The following CIROZ variants were observed in gnomAD, a reference collection of about 807,000 sequenced individuals.
CIROZ encodes ciliated left-right organizer ZP-N domains-containing protein.
At chr1:10,981,871 G>C in the CIROZ span, 1 of 1,024,640 alleles carries the variant, frequency 9.8e-7, no homozygotes, top group African/African-American at 1.6e-5. Context: ...CCATGCATCT[G>C]GGCCCCTCAC....
the CIROZ span, among the ~76,000 whole-genome samples, chr1:10,972,540 GACATTTA>G: frequency 6.6e-6 from 1 of 151,940 alleles, no homozygotes; most frequent in African/African-American, 2.4e-5. Context: ...TCTCAACAGA[GACATTTA>G]AGCCACCAGG....
the CIROZ span, among the ~76,000 whole-genome samples, chr1:10,963,904 C>G: frequency 6.6e-6 from 1 of 152,116 alleles, no homozygotes; most frequent in African/African-American, 2.4e-5. Flanking sequence ...ATCCCCCCTC[C>G]CCTCCCATCT....
chr1:10,961,801 T>A, the CIROZ span, among the ~76,000 whole-genome samples: 1 of 151,600 alleles, frequency 6.6e-6, no homozygotes, highest in African/African-American at 2.4e-5. Context: ...AAAAATATTT[T>A]AAAAATCAAC....
chr1:10,958,665 C>T, the CIROZ span: 26 of 1,607,806 alleles, frequency 1.6e-5, no homozygotes, highest in Non-Finnish European at 2.0e-5. Flanking sequence ...CCAGTCCTAG[C>T]AGAAACTTCC....
the CIROZ span, among the ~76,000 whole-genome samples, chr1:10,977,588 G>A: frequency 6.6e-6 from 1 of 152,308 alleles, no homozygotes; most frequent in East Asian, 1.9e-4. Flanking sequence ...CAAAGGAGAA[G>A]AAAGAACAGA....
the CIROZ span, among the ~76,000 whole-genome samples, chr1:10,972,405 A>G: frequency 7.0e-6 from 1 of 141,894 alleles, no homozygotes; most frequent in Admixed American, 7.4e-5. Flanking sequence ...ACCTAGCAAG[A>G]CCCTGTCTCT....
At chr1:10,948,513 G>T in the CIROZ span, 2 of 1,614,024 alleles carry the variant, frequency 1.2e-6, no homozygotes, top group African/African-American at 2.7e-5. Flanking sequence ...TAGACCTTCA[G>T]TCAGGGTGAC....
At chr1:10,969,848 G>A in the CIROZ span, 1 of 1,378,158 alleles carries the variant, frequency 7.3e-7, no homozygotes, top group South Asian at 1.6e-5. Context: ...GGTGGCCTTT[G>A]AGCAGAGATT....
the CIROZ span, among the ~76,000 whole-genome samples, chr1:10,951,730 T>TAAAAAAAA: frequency 5.2e-3 from 654 of 125,166 alleles, 15 homozygotes; most frequent in African/African-American, 0.021. Flanking sequence ...GTCTCTTATT[T>TAAAAAAAA]AAAAAAAAAA....
chr1:10,957,028 G>T, the CIROZ span: 2 of 1,551,062 alleles, frequency 1.3e-6, no homozygotes, highest in Non-Finnish European at 1.7e-6. Flanking sequence ...CTTACCCGGT[G>T]GGCAAGCAGC....
the CIROZ span, among the ~76,000 whole-genome samples, chr1:10,954,441 G>A: frequency 2.1e-4 from 30 of 145,724 alleles, no homozygotes; most frequent in African/African-American, 6.9e-4. Flanking sequence ...GCAACAGAGC[G>A]AGACTCTGTC....
chr1:10,980,881 G>C, the CIROZ span, among the ~76,000 whole-genome samples: 1 of 152,214 alleles, frequency 6.6e-6, no homozygotes, highest in Admixed American at 6.5e-5. Context: ...AGAAGGCAAT[G>C]GGTCCCCAGG....
the CIROZ span, among the ~76,000 whole-genome samples, chr1:10,960,381 C>T: frequency 1.8e-4 from 28 of 151,882 alleles, no homozygotes; most frequent in Non-Finnish European, 3.7e-4. This position sits in a 1 kb window ranked among gnomAD's most constrained non-coding sequence, Gnocchi z 4.6. Context: ...CCAGCCTGGG[C>T]GACTCTGGCC....
the CIROZ span, among the ~76,000 whole-genome samples, chr1:10,958,049 C>A: frequency 6.6e-6 from 1 of 152,232 alleles, no homozygotes; most frequent in African/African-American, 2.4e-5. Context: ...AACCAGTCGG[C>A]CCCTATGCCG....
chr1:10,952,850 C>T, the CIROZ span, among the ~76,000 whole-genome samples: 2,928 of 152,278 alleles, frequency 0.019, 105 homozygotes, highest in African/African-American at 0.066. Flanking sequence ...CCAGATTGGA[C>T]GCTGCTTGAG....
the CIROZ span, among the ~76,000 whole-genome samples, chr1:10,979,472 G>T: frequency 6.6e-6 from 1 of 152,150 alleles, no homozygotes; most frequent in Non-Finnish European, 1.5e-5. Context: ...AGAATGTGGA[G>T]CATTGAGAAA....
At chr1:10,958,611 G>T in the CIROZ span, 1 of 1,367,104 alleles carries the variant, frequency 7.3e-7, no homozygotes, top group South Asian at 1.2e-5. Context: ...CTCTCCGGAG[G>T]ACAAGCAAAC....
At chr1:10,962,346 C>T in the CIROZ span, among the ~76,000 whole-genome samples, 2 of 151,950 alleles carry the variant, frequency 1.3e-5, no homozygotes, top group Non-Finnish European at 2.9e-5. Flanking sequence ...ACTCGTGAGG[C>T]TGAGGCAGGA....
At chr1:10,959,128 G>A in the CIROZ span, among the ~76,000 whole-genome samples, 27 of 152,108 alleles carry the variant, frequency 1.8e-4, no homozygotes, top group Admixed American at 5.9e-4. The surrounding 1 kb of genome is among the most constrained non-coding windows in gnomAD (Gnocchi z 4.3). Context: ...TTTCTTTCTC[G>A]CCCTTTTTCT....
Sources: gnomAD v4.1 joint callset for allele counts (sites outside exome capture counted in the v4.1 genomes callset) on GRCh38, gnomAD v4.1.1 for gene constraint, Gnocchi (gnomAD v3.1) non-coding constraint, MANE v1.5 for transcripts, NCBI Gene and HGNC (gene_info 2026-07-23, HGNC 2026-07-21) for gene names.